Variants in TEX15 observed in about 807,000 individuals in gnomAD.
TEX15 encodes the protein testis-expressed protein 15.
A neutral mutation model predicts 237.3 loss-of-function variants in TEX15; 171 were observed. The observed-to-expected ratio is 0.72, with a 90% CI of 0.64 to 0.82. The LOEUF (loss-of-function observed/expected upper bound fraction) is 0.82, where lower values mean the gene tolerates loss of function less well. Ranked by LOEUF, TEX15 falls within the 40% of genes least tolerant of loss-of-function variation. TEX15 has a pLI of 0.00. For missense variants in TEX15, 3,750 were observed against 3,646.5 expected (o/e 1.03, Z -0.73); for synonymous variants, 1,338 against 1,269.8 (o/e 1.05, Z -1.14).
rs776392012 is a variant in TEX15 at position 30,837,297 on chromosome 8, A to G, written c.8987T>C (p.Leu2996Pro). ...ATTTTTGTCATTCTGTTGTTCAGAA[A>G]GAGAGTACTCTGCTCCTTGATTCAC... is the stretch of plus-strand genomic sequence containing the variant. ...LNVNQGAEYS[L>P]SEQQNDKNSK... Residue 2996 changes from leucine to proline, a missense_variant, in exon 10 of 11, where the codon CTT becomes CCT. Leu to Pro is a moderately conservative substitution (Grantham distance 98, BLOSUM62 -3). Transcript: ENST00000643185. 32 of 1,614,190 alleles carry G rather than the reference A, an allele frequency of 2.0e-5. No homozygotes were observed. The highest frequency in any genetic ancestry group is 2.6e-5 in the Non-Finnish European group (31 of 1,180,042).
intron 2 of TEX15, among the ~76,000 whole-genome samples, chr8:30,889,498 A>G (rs1808737868): frequency 6.6e-6 from 1 of 152,168 alleles, no homozygotes; most frequent in Non-Finnish European, 1.5e-5. Context: ...GATTTCAGCT[A>G]TAGGGTTTCT....
At chr8:30,838,987 C>T (rs9774378) in intron 9 of TEX15, among the ~76,000 whole-genome samples, 147,965 of 151,238 alleles carry the variant, frequency 0.98, 72,458 homozygotes, top group East Asian at 1. Context: ...GGCTAGTTTC[C>T]ATATTTTTAG....
At chr8:30,864,487 C>A (rs1276525558) in intron 5 of TEX15, among the ~76,000 whole-genome samples, 1 of 150,186 alleles carries the variant, frequency 6.7e-6, no homozygotes. Context: ...TCGCTAGAGC[C>A]TGGGAGTTTG....
intron 1 of TEX15, among the ~76,000 whole-genome samples, chr8:30,907,331 G>A (rs571922461): frequency 4.0e-5 from 6 of 151,826 alleles, no homozygotes; most frequent in African/African-American, 1.4e-4. Flanking sequence ...CAAAATTTGC[G>A]TACAGTTTTC....
chr8:30,905,461 C>T (rs1215402312), intron 1 of TEX15, among the ~76,000 whole-genome samples: 1 of 152,024 alleles, frequency 6.6e-6, no homozygotes, highest in Non-Finnish European at 1.5e-5. Flanking sequence ...GAGTAATTTT[C>T]AGACTGCAAA....
At chr8:30,887,041 T>C (rs553879975) in intron 3 of TEX15, 126 bp downstream of exon 3, 2 of 794,744 alleles carry the variant, frequency 2.5e-6, no homozygotes, top group South Asian at 4.4e-5. Flanking sequence ...ACATGTATGT[T>C]TAAGGAATTA....
rs188176556 is a variant in TEX15, at chr8:30,908,094, T to G, written c.-86+4785A>C. On this transcript the variant is annotated intron_variant, in intron 1 of 10. Transcript: ENST00000643185. ...ATGTGCCACCGCATCACATTAATAC[T>G]TAAATTTTTTGTAGAGATGGGGTCT... Among the ~76,000 whole-genome samples, 27 of 152,262 alleles carry G rather than the reference T, an allele frequency of 1.8e-4. 1 individual carries two copies. The highest frequency in any genetic ancestry group is 6.5e-4 in the African/African-American group (27 of 41,548).
rs1241663883 is a variant in TEX15 at position 30,882,223 on chromosome 8, A to G, written c.136+4944T>C. On this transcript the variant is annotated intron_variant, in intron 3 of 10. Coordinates refer to ENST00000643185, the MANE Select transcript of TEX15 (RefSeq NM_001350162.2). ...CCCCTTGCCCCCTACTTACTTTCCA[A>G]GTGTCTTTGGAGATTTACTTTTCTG... 2.0e-5 allele frequency among the ~76,000 whole-genome samples: 3 copies of G among 152,054 alleles called. No homozygotes were observed. In the East Asian group the frequency reaches 5.8e-4, roughly 29 times the overall value.
intron 9 of TEX15, 143 bp downstream of exon 9, chr8:30,839,762 TC>T (rs1807399258): frequency 2.1e-6 from 1 of 471,464 alleles, no homozygotes; most frequent in Admixed American, 3.9e-5. Flanking sequence ...CAAACAAATT[TC>T]TTTTTCCTTA....
In TEX15 at chr8:30,867,298, T is replaced by C; in HGVS notation, c.507A>G (p.Gln169=). The stretch of plus-strand genomic sequence containing the variant: ...TTAAAATACTTTCTACAGTAATGCT[T>C]TGACTATGAGAATAATTCAAGGCAA... ...VDIALNYSHS[Q]SITVESILIF... Residue 169 remains glutamine (Q), a synonymous_variant, in exon 5 of 11, where the codon CAA becomes CAG. Coordinates refer to ENST00000643185, the MANE Select transcript of TEX15 (RefSeq NM_001350162.2). 6.6e-7 allele frequency: 1 copy of C among 1,513,138 alleles called. No homozygotes were observed. The highest frequency in any genetic ancestry group is 8.9e-7 in the Non-Finnish European group (1 of 1,126,408). The allele number at this position is 1,513,138 out of a possible 1,614,324, so 93.7% of individuals were successfully genotyped here.
chr8:30,889,939 A>ATATATATACATATATATATATACG (rs1808754053), intron 2 of TEX15, among the ~76,000 whole-genome samples: 1 of 126,018 alleles, frequency 7.9e-6, no homozygotes, highest in African/African-American at 3.8e-5. Context: ...ATATACATAT[A>ATATATATACATATATATATATACG]TATATATATA....
intron 5 of TEX15, among the ~76,000 whole-genome samples, chr8:30,865,622 C>A (rs1414322584): frequency 6.6e-6 from 1 of 152,072 alleles, no homozygotes; most frequent in Non-Finnish European, 1.5e-5. Context: ...GGATTCATAC[C>A]AGCGATGCAA....
chr8:30,847,385 C>A lies in TEX15; in HGVS notation c.2782G>T (p.Glu928Ter), dbSNP rs1230213161. The change falls in exon 8 of 11, where the codon GAA becomes TAA. Residue 928 changes from glutamate (E) to a stop codon, truncating the protein, a stop_gained. Coordinates refer to ENST00000643185, the MANE Select transcript of TEX15 (RefSeq NM_001350162.2). LOFTEE classifies it high-confidence loss of function. Reference protein sequence around the residue: ...FSTKFNLICREDNAVSAATAL... With the variant: ...FSTKFNLICR ...GTTGCTGCTGACACTGCATTATCTT[C>A]TCTGCAAATCAAGTTAAATTTAGTA... 1 of 1,613,264 alleles carries A rather than the reference C, an allele frequency of 6.2e-7. No homozygotes were observed. Among genetic ancestry groups the A allele is most frequent in the Admixed American group, 1.7e-5 (1 of 59,964 alleles).
chr8:30,838,672 T>C (rs551170053), intron 9 of TEX15, among the ~76,000 whole-genome samples: 34 of 149,830 alleles, frequency 2.3e-4, no homozygotes, highest in Non-Finnish European at 3.8e-4. Context: ...ACAGTTAATA[T>C]AGGTCCCTGA....
intron 2 of TEX15, among the ~76,000 whole-genome samples, chr8:30,889,954 C>CGTAT (rs767323464): frequency 9.1e-6 from 1 of 110,084 alleles, no homozygotes; most frequent in African/African-American, 4.5e-5. Context: ...TATATATATA[C>CGTAT]ATATATATAT....
chr8:30,876,659 T>C (rs1238054523), intron 3 of TEX15, among the ~76,000 whole-genome samples: 1 of 152,188 alleles, frequency 6.6e-6, no homozygotes, highest in Non-Finnish European at 1.5e-5. Flanking sequence ...AAAATGTGTT[T>C]TCTCTGTAAG....
Position 30,846,613 on chromosome 8 carries a change from A to G in TEX15, c.3554T>C (p.Val1185Ala). ...TATTTCCGGTTTTGTGGCTTCAGTTACATGTGTGCAAAAACTATCTTTCAA... is the reference window on the plus strand; with the variant it reads ...TATTTCCGGTTTTGTGGCTTCAGTTGCATGTGTGCAAAAACTATCTTTCAA... ...LALKDSFCTH[V>A]TEATKPEINK... The change falls in exon 8 of 11, where the codon GTA becomes GCA. Residue 1185 changes from valine (V) to alanine (A), a missense_variant. Coordinates refer to ENST00000643185, the MANE Select transcript of TEX15 (RefSeq NM_001350162.2). 6.2e-7 allele frequency: 1 copy of G among 1,613,894 alleles called. No homozygotes were observed.
In TEX15 at chr8:30,833,330, G is replaced by A. The variant is rs2955992; in HGVS notation, c.9482-7C>T. The stretch of plus-strand genomic sequence containing the variant: ...GATTCTTGGTGCCATGGAGCTGGAA[G>A]AAAAAACACCACAAAGATTTAAATA... On this transcript the variant is annotated splice_region_variant and splice_polypyrimidine_tract_variant and intron_variant, in intron 10 of 10. Coordinates refer to ENST00000643185, the MANE Select transcript of TEX15 (RefSeq NM_001350162.2). The A allele has an allele frequency of 2.5e-6, 4 of 1,586,930 alleles. No individual in the cohort carries two copies. The highest frequency in any genetic ancestry group is 3.4e-6 in the Non-Finnish European group (4 of 1,163,638).
rs761725367 is a variant in TEX15, at chr8:30,846,918, G to A, written c.3249C>T (p.Asn1083=). The A allele has an allele frequency of 1.9e-6, 3 of 1,613,450 alleles. No homozygotes were observed. In the South Asian group the frequency reaches 3.3e-5, roughly 18 times the overall value. Residue 1083 remains asparagine (N), a synonymous_variant, in exon 8 of 11, where the codon AAC becomes AAT. Transcript: ENST00000643185. ...AGGTCACAAATTCTTCACAAAGCAT[G>A]TTTTCATGGCTATGTGTATCTTGTT... ...IFQQDTHSHE[N]MLCEEFVTSY... is the part of the protein sequence containing the mutation.
Sources: gnomAD v4.1 joint callset for allele counts (sites outside exome capture counted in the v4.1 genomes callset) on GRCh38, gnomAD v4.1.1 for gene constraint, MANE v1.5 for transcripts, NCBI Gene and HGNC (gene_info 2026-07-23, HGNC 2026-07-21) for gene names.